DNA2: variants seen among roughly 807,000 people sequenced by gnomAD.
DNA2 encodes the protein DNA replication ATP-dependent helicase/nuclease DNA2.
In DNA2, 101 loss-of-function variants were observed where a neutral mutation model predicts 119.1. The observed-to-expected ratio is 0.85, with a 90% confidence interval of 0.72 to 1.00. DNA2 has a LOEUF of 1.00. Among genes scored for constraint, DNA2 ranks in the 50% least tolerant of loss-of-function variants. The pLI is 0.00. For missense variants in DNA2, 1,121 were observed against 1,255.5 expected, an observed-to-expected ratio of 0.89 and a Z score of 1.62; for synonymous variants, 366 against 424.4, an observed-to-expected ratio of 0.86 and a Z score of 1.69.
At chr10:68,468,492 T>A (rs10998206) in intron 2 of DNA2, among the ~76,000 whole-genome samples, 186 bp from the exon 3 acceptor site, 1 of 151,886 alleles carries the variant, frequency 6.6e-6, no homozygotes, top group African/African-American at 2.4e-5. Context: ...AACCCCTAGT[T>A]ATTCTACCCC....
chr10:68,430,410 T>A, intron 14 of DNA2, 26 bp downstream of exon 14: 1 of 1,460,244 alleles, frequency 6.8e-7, no homozygotes, highest in Non-Finnish European at 9.4e-7. Flanking sequence ...TAACTGTTAG[T>A]ATTATTATAC....
Position 68,430,530 on chromosome 10 carries a change from A to C in DNA2, c.2114T>G (p.Val705Gly), listed in dbSNP as rs762698176. ...GFLRLGQIQK[V>G]HPAIQQFTEQ... ...TGTAAATTGCTGGATAGCTGGATGA[A>C]CCTTCTGAATCTGACCCAAACGCAA... is the stretch of plus-strand genomic sequence containing the variant. Residue 705 changes from valine to glycine, a missense_variant, in exon 14 of 21, where the codon GTT becomes GGT. Physicochemically the swap from Val to Gly is moderately radical, Grantham distance 109 (BLOSUM62 -3). Transcript: ENST00000358410. 4 of 1,611,822 alleles carry C rather than the reference A, an allele frequency of 2.5e-6. No homozygotes were observed. The African/African-American group carries it at 5.3e-5, about 22-fold the overall frequency.
intron 4 of DNA2, among the ~76,000 whole-genome samples, chr10:68,461,905 A>C (rs1156806194): frequency 6.6e-6 from 1 of 151,564 alleles, no homozygotes; most frequent in African/African-American, 2.4e-5. Context: ...TCATCATTGC[A>C]CTCCAGCCTG....
chr10:68,433,475 C>G (rs905580108), intron 10 of DNA2, among the ~76,000 whole-genome samples: 2 of 152,122 alleles, frequency 1.3e-5, no homozygotes, highest in African/African-American at 4.8e-5. Flanking sequence ...ATTACCCACT[C>G]TTCTGTTTAA....
chr10:68,446,417 T>G lies in DNA2; in HGVS notation c.940-4A>C. The G allele has an allele frequency of 6.5e-7, 1 of 1,537,874 alleles. No homozygotes were observed. Among genetic ancestry groups the G allele is most frequent in the Non-Finnish European group, 8.8e-7 (1 of 1,133,028 alleles). On this transcript the variant is annotated splice_polypyrimidine_tract_variant and splice_region_variant and intron_variant, in intron 6 of 20. Transcript: ENST00000358410. ...TTAGTAGAGTGTACAGAACAACCTG[T>G]GCAAACATTGACATTTGCTCAAACA...
intron 14 of DNA2, among the ~76,000 whole-genome samples, chr10:68,429,724 A>AG (rs2051792922): frequency 6.7e-6 from 1 of 148,470 alleles, no homozygotes; most frequent in Non-Finnish European, 1.5e-5. Context: ...AAAAAAAAAA[A>AG]AAAAAAAGAA....
intron 5 of DNA2, among the ~76,000 whole-genome samples, chr10:68,456,761 A>T (rs2052187252): frequency 6.6e-6 from 1 of 151,890 alleles, no homozygotes; most frequent in Admixed American, 6.6e-5. Flanking sequence ...AATATTGAAA[A>T]TATTGAGAGA....
At chr10:68,417,403 A>AC (rs2051604858) in intron 19 of DNA2, among the ~76,000 whole-genome samples, 1 of 150,700 alleles carries the variant, frequency 6.6e-6, no homozygotes, top group South Asian at 2.1e-4. Context: ...AAAAAAAAAA[A>AC]AAAAAAAAAC....
Position 68,422,244 on chromosome 10 carries a change from C to T in DNA2, c.2678G>A (p.Cys893Tyr). Residue 893 changes from cysteine to tyrosine, a missense_variant, in exon 17 of 21, where the codon TGT becomes TAT. Physicochemically the swap from Cys to Tyr is radical, Grantham distance 194 (BLOSUM62 -2). Transcript: ENST00000358410. ...TTTTACCTTGTCTGTATTAAGGAAA[C>T]AAACAGGATTGTTGGGTTCAAATAC... ...MGVFEPNNPV[C>Y]FLNTDKVPAP... 2 of 1,598,362 alleles carry T rather than the reference C, an allele frequency of 1.3e-6. No homozygotes were observed. Among genetic ancestry groups the T allele is most frequent in the Non-Finnish European group, 1.7e-6 (2 of 1,174,346 alleles).
chr10:68,437,277 A>T lies in DNA2; in HGVS notation c.1416-36T>A, dbSNP rs12251938. ...ACCAAAGAGAAAAAAACTTCTGTTT[A>T]TATTACATACGTAAGTATTGTGTCT... On this transcript the variant is annotated intron_variant, in intron 9 of 20. Coordinates refer to ENST00000358410, the MANE Select transcript of DNA2 (RefSeq NM_001080449.3). The T allele has an allele frequency of 3.3e-6, 5 of 1,499,086 alleles. No homozygotes were observed. The South Asian group carries it at 6.1e-5, about 18-fold the overall frequency. The allele number at this position is 1,499,086 out of a possible 1,614,324, so 92.9% of individuals were successfully genotyped here.
intron 20 of DNA2, among the ~76,000 whole-genome samples, chr10:68,416,233 G>A (rs538867152): frequency 6.6e-6 from 1 of 152,196 alleles, no homozygotes; most frequent in African/African-American, 2.4e-5. Flanking sequence ...TTTGGGAGGA[G>A]GCGAGTGAAT....
intron 4 of DNA2, among the ~76,000 whole-genome samples, chr10:68,461,915 G>A (rs1043112935): frequency 3.3e-5 from 5 of 150,840 alleles, no homozygotes; most frequent in Admixed American, 6.6e-5. Context: ...ACTCCAGCCT[G>A]GGCAACAGAG....
At position 68,445,003 on chromosome 10, in the gene DNA2, G is replaced by A. The variant is rs1208779290; in HGVS notation, c.1138C>T (p.Leu380Phe). The A allele has an allele frequency of 1.9e-6, 3 of 1,613,220 alleles. No homozygotes were observed. The East Asian group carries it at 6.7e-5, about 36-fold the overall frequency. ...TCAATTATTTGTGGCAAAGAAGCAA[G>A]CTGTGTCTTCTGTCTAGTAGCAGAT... ...SKSATRQKTQ[L>F]ASLPQIIEEE... is the part of the protein sequence containing the mutation. Residue 380 changes from leucine (L) to phenylalanine (F), a missense_variant, in exon 8 of 21, where the codon CTT (leucine) becomes TTT (phenylalanine). Physicochemically the swap from Leu to Phe is conservative, Grantham distance 22. Transcript: ENST00000358410.
chr10:68,438,611 T>C (rs2051924154), intron 9 of DNA2, among the ~76,000 whole-genome samples: 1 of 152,192 alleles, frequency 6.6e-6, no homozygotes, highest in Non-Finnish European at 1.5e-5. Context: ...TATATATGTA[T>C]GACAGATTCG....
At chr10:68,468,484 C>T (rs1345992579) in intron 2 of DNA2, among the ~76,000 whole-genome samples, 178 bp from the exon 3 acceptor site, 2 of 151,922 alleles carry the variant, frequency 1.3e-5, no homozygotes, top group Non-Finnish European at 2.9e-5. Context: ...TCTAAAACAA[C>T]CCCTAGTTAT....
chr10:68,462,508 G>C (rs2133439294), intron 4 of DNA2, among the ~76,000 whole-genome samples: 1 of 152,230 alleles, frequency 6.6e-6, no homozygotes, highest in South Asian at 2.1e-4. Flanking sequence ...TAATTTTTTA[G>C]TGTAAAGGGG....
At chr10:68,429,267 G>A (rs552244362) in intron 14 of DNA2, among the ~76,000 whole-genome samples, 2 of 148,080 alleles carry the variant, frequency 1.4e-5, no homozygotes, top group Admixed American at 6.7e-5. Flanking sequence ...AAAAAAAGCC[G>A]GGCGCAGTAG....
intron 17 of DNA2, among the ~76,000 whole-genome samples, chr10:68,421,587 C>T (rs2051665114): frequency 6.6e-6 from 1 of 151,788 alleles, no homozygotes; most frequent in African/African-American, 2.4e-5. Flanking sequence ...AAGCCTGTCT[C>T]TACTAAAAAT....
At chr10:68,425,232 T>C (rs1190139097) in intron 14 of DNA2, among the ~76,000 whole-genome samples, 4 of 143,750 alleles carry the variant, frequency 2.8e-5, no homozygotes, top group Admixed American at 6.9e-5. Context: ...GTAGCTGGGA[T>C]TACAGGTGCC....
Sources: allele counts gnomAD v4.1 joint callset (sites outside exome capture counted in the v4.1 genomes callset), GRCh38; gene constraint gnomAD v4.1.1; transcripts MANE v1.5; gene names NCBI Gene and HGNC (gene_info 2026-07-23, HGNC 2026-07-21).